The following SRRT variants were observed in gnomAD, a reference collection of about 807,000 sequenced individuals.
SRRT encodes serrate RNA effector molecule homolog.
A neutral mutation model predicts 103.2 loss-of-function variants in SRRT; 32 were observed. That is an observed-to-expected ratio of 0.31 (90% CI 0.23 to 0.42). The LOEUF is 0.42. Ranked by LOEUF, SRRT falls within the 10% of genes least tolerant of loss-of-function variation. The probability of loss-of-function intolerance (pLI) is 1.00; values close to 1 mark genes in which losing one functional copy is unlikely to be tolerated. For synonymous variants in SRRT, 525 were observed against 449.0 expected (o/e 1.17, Z -2.14); for missense variants, 986 against 1,207.5 (o/e 0.82, Z 2.72).
chr7:100,887,022 G>A lies in SRRT; in HGVS notation c.1822-25G>A, dbSNP rs758121855. On this transcript the variant is annotated intron_variant, in intron 14 of 19. Coordinates refer to ENST00000611405, the MANE Select transcript of SRRT (RefSeq NM_015908.6). This position sits in a 1 kb window ranked among gnomAD's most constrained non-coding sequence, Gnocchi z 4.1. ...GGCTCGGGCGGTGAGGGCAGGAGCT[G>A]AACGCTCGCATTCACTTCCCTTAGG... is the stretch of plus-strand genomic sequence containing the variant. 3.7e-6 allele frequency: 6 copies of A among 1,612,942 alleles called. No individual in the cohort carries two copies. The South Asian group carries it at 6.6e-5, about 18-fold the overall frequency.
intron 2 of SRRT, among the ~76,000 whole-genome samples, chr7:100,879,494 A>T (rs1266165575): frequency 6.6e-6 from 1 of 152,314 alleles, no homozygotes; most frequent in East Asian, 1.9e-4. Context: ...ATTGGTGACA[A>T]TGTAAAAACA....
chr7:100,878,819 A>G (rs1324425044), intron 2 of SRRT, among the ~76,000 whole-genome samples: 1 of 151,916 alleles, frequency 6.6e-6, no homozygotes, highest in Non-Finnish European at 1.5e-5. Context: ...CTCTCACCTC[A>G]GCCTCCTGAT....
intron 1 of SRRT, 117 bp downstream of exon 1, chr7:100,875,445 C>T: frequency 6.6e-7 from 1 of 1,526,308 alleles, no homozygotes; most frequent in Non-Finnish European, 8.8e-7. Context: ...CGTTCTCAGG[C>T]CTAGGATGGT....
At chr7:100,881,585 C>T (rs1485509242) in intron 3 of SRRT, 74 bp from the exon 4 acceptor site, 5 of 1,598,304 alleles carry the variant, frequency 3.1e-6, no homozygotes, top group Non-Finnish European at 2.6e-6. Flanking sequence ...TGTGTGTACC[C>T]CCGTCTGTCC....
chr7:100,875,911 A>G, intron 2 of SRRT, 199 bp downstream of exon 2: 1 of 565,468 alleles, frequency 1.8e-6, no homozygotes, highest in Non-Finnish European at 3.1e-6. Flanking sequence ...TCTGCAGATC[A>G]GAGCTATAGA....
Position 100,886,827 on chromosome 7 carries a change from T to G in SRRT, c.1680T>G (p.Asn560Lys). 6.2e-7 allele frequency: 1 copy of G among 1,614,158 alleles called. No homozygotes were observed. Among genetic ancestry groups the G allele is most frequent in the Non-Finnish European group, 8.5e-7 (1 of 1,180,032 alleles). ...CCTCGCAAAACCCGATCTTGAAGAA[T>G]ATCACCGACTACCTGATCGAGGAAG... ...SLPSQNPILK[N>K]ITDYLIEEVS... The change falls in exon 14 of 20, where the codon AAT (asparagine) becomes AAG (lysine). Residue 560 changes from asparagine (N) to lysine (K), a missense_variant. Coordinates refer to ENST00000611405, the MANE Select transcript of SRRT (RefSeq NM_015908.6).
In SRRT at chr7:100,884,458, C is replaced by T; in HGVS notation, c.848C>T (p.Pro283Leu). 2 of 1,613,744 alleles carry T rather than the reference C, an allele frequency of 1.2e-6. No individual in the cohort carries two copies. Among genetic ancestry groups the T allele is most frequent in the South Asian group, 1.1e-5 (1 of 91,066 alleles). ...GAGCAGGCAGGAAAGCCTGGGGAGC[C>T]CAGCAAGAAAGAAGAAGGACGGGCT... ...EEEQAGKPGEPSKKEEGRAGA... is the reference protein window; with the variant it reads ...EEEQAGKPGELSKKEEGRAGA... The change falls in exon 7 of 20, where the codon CCC (proline) becomes CTC (leucine). Residue 283 changes from proline (P) to leucine (L), a missense_variant. Coordinates refer to ENST00000611405, the MANE Select transcript of SRRT (RefSeq NM_015908.6).
At position 100,885,491 on chromosome 7, in the gene SRRT, C is replaced by T. The variant is rs1279636219; in HGVS notation, c.1317+121C>T. 7 of 1,221,918 alleles carry T rather than the reference C, an allele frequency of 5.7e-6. No homozygotes were observed. The highest frequency in any genetic ancestry group is 3.0e-5 in the African/African-American group (2 of 65,732). 75.7% of individuals were successfully genotyped at this position (1,221,918 alleles called of 1,614,324 possible). A position where few individuals can be genotyped will look rare whatever the true frequency, so the allele number is the denominator to read the frequency against. Reference sequence around the variant, plus strand: ...TCACCTGCTAGGGAGGCCCCTTCCCCAGGTTCCATGGCCTCCGAGGACTAG... The same window carrying T: ...TCACCTGCTAGGGAGGCCCCTTCCCTAGGTTCCATGGCCTCCGAGGACTAG... On this transcript the variant is annotated intron_variant, in intron 10 of 19. Transcript: ENST00000611405. This position sits in a 1 kb window ranked among gnomAD's most constrained non-coding sequence, Gnocchi z 4.8.
intron 18 of SRRT, 36 bp downstream of exon 18, chr7:100,888,179 T>C (rs1308422697): frequency 6.2e-7 from 1 of 1,600,010 alleles, no homozygotes; most frequent in South Asian, 1.1e-5. Context: ...GCTTGGTGAG[T>C]GTGTGGCTTT....
chr7:100,884,752 A>T lies in SRRT; in HGVS notation c.955A>T (p.Ser319Cys). ...TCTCTTACCATAGGCTGAGAATGAC[A>T]GTTCTAATGATGACAAAACAAAGAA... ...KEDGKQAENDSSNDDKTKKSE... is the reference protein window; with the variant it reads ...KEDGKQAENDCSNDDKTKKSE... The change falls in exon 8 of 20, where the codon AGT becomes TGT. Residue 319 changes from serine (S) to cysteine (C), a missense_variant. This residue lies in a region of SRRT where 166 missense variants were observed against 148.6 expected (regional missense o/e 1.12). Transcript: ENST00000611405. The T allele has an allele frequency of 6.2e-7, 1 of 1,613,986 alleles. No individual in the cohort carries two copies. Among genetic ancestry groups the T allele is most frequent in the Non-Finnish European group, 8.5e-7 (1 of 1,179,912 alleles).
In SRRT at chr7:100,881,804, A is replaced by G; in HGVS notation, c.397A>G (p.Arg133Gly). The change falls in exon 4 of 20, where the codon AGG becomes GGG. Residue 133 changes from arginine (R) to glycine (G), a missense_variant and splice_region_variant. This residue lies in a region of SRRT where 274 missense variants were observed against 358.5 expected (regional missense o/e 0.76). Transcript: ENST00000611405. ...MQHHVLPIQARLGSIAEIDLG... is the reference protein window; with the variant it reads ...MQHHVLPIQAGLGSIAEIDLG... ...GCACCATGTCCTGCCTATCCAGGCC[A>G]GGTAAGGGTGGGGCTTCTCAGAAGA... The G allele has an allele frequency of 6.2e-7, 1 of 1,603,700 alleles. No individual in the cohort carries two copies. Among genetic ancestry groups the G allele is most frequent in the Non-Finnish European group, 8.5e-7 (1 of 1,176,108 alleles).
intron 2 of SRRT, 153 bp downstream of exon 2, chr7:100,875,865 G>A: frequency 3.4e-6 from 3 of 891,602 alleles, no homozygotes; most frequent in Non-Finnish European, 5.1e-6. Context: ...TTTGCTGTTG[G>A]CCAAATAACT....
In SRRT at chr7:100,888,083, C is replaced by A; in HGVS notation, c.2368C>A (p.Gln790Lys). 1 of 1,603,946 alleles carries A rather than the reference C, an allele frequency of 6.2e-7. No homozygotes were observed. Among genetic ancestry groups the A allele is most frequent in the Non-Finnish European group, 8.5e-7 (1 of 1,175,114 alleles). ...GACCCCAGGACTCCCCTACCCACAC[C>A]AGACTCCCCAGGGCCTGATGCCCTA... ...GLTPGLPYPH[Q>K]TPQGLMPYGQ... Residue 790 changes from glutamine (Q) to lysine (K), a missense_variant, in exon 18 of 20, where the codon CAG (glutamine) becomes AAG (lysine). Gln to Lys is a moderately conservative substitution (Grantham distance 53). Transcript: ENST00000611405.
Position 100,887,201 on chromosome 7 carries a change from G to C in SRRT, c.1975+1G>C. On this transcript the variant is annotated splice_donor_variant, in intron 15 of 19. Coordinates refer to ENST00000611405, the MANE Select transcript of SRRT (RefSeq NM_015908.6). LOFTEE classifies it high-confidence loss of function. The surrounding 1 kb of genome is among the most constrained non-coding windows in gnomAD (Gnocchi z 4.1). ...CCCAACCGCATCAGTCACGGGGAAGGTGAGCTCCAGGTTCCCCTTTGTTCC... is the reference window on the plus strand; with the variant it reads ...CCCAACCGCATCAGTCACGGGGAAGCTGAGCTCCAGGTTCCCCTTTGTTCC... 1 of 1,614,134 alleles carries C rather than the reference G, an allele frequency of 6.2e-7. No homozygotes were observed. The highest frequency in any genetic ancestry group is 8.5e-7 in the Non-Finnish European group (1 of 1,180,018).
chr7:100,881,822 T>G lies in SRRT; in HGVS notation c.398+17T>G. 1 of 1,586,568 alleles carries G rather than the reference T, an allele frequency of 6.3e-7. No homozygotes were observed. Among genetic ancestry groups the G allele is most frequent in the African/African-American group, 1.3e-5 (1 of 74,264 alleles). The stretch of plus-strand genomic sequence containing the variant: ...CCAGGCCAGGTAAGGGTGGGGCTTC[T>G]CAGAAGAGGGTTGGTAGGCCTGGGG... On this transcript the variant is annotated intron_variant, in intron 4 of 19. Transcript: ENST00000611405.
In SRRT at chr7:100,885,242, A is replaced by C. The variant is rs763605047; in HGVS notation, c.1189A>C (p.Lys397Gln). ...AGCGCTCAAGGAGAAGGAGAAGCCC[A>C]AGGAAGAAGAATGGGAGAAGCCCAA... is the stretch of plus-strand genomic sequence containing the variant. ...EEALKEKEKP[K>Q]EEEWEKPKDA... Residue 397 changes from lysine to glutamine, a missense_variant, in exon 10 of 20, where the codon AAG becomes CAG. By Grantham distance (53) the Lys-to-Gln change is moderately conservative. Coordinates refer to ENST00000611405, the MANE Select transcript of SRRT (RefSeq NM_015908.6). This position sits in a 1 kb window ranked among gnomAD's most constrained non-coding sequence, Gnocchi z 4.8. The C allele has an allele frequency of 6.2e-7, 1 of 1,614,094 alleles. No homozygotes were observed. The highest frequency in any genetic ancestry group is 1.1e-5 in the South Asian group (1 of 91,082).
chr7:100,885,145 C>A lies in SRRT; in HGVS notation c.1160-68C>A. ...GTGGGTGGCTTTTAGGGGAAAGCTT[C>A]TGTATCCTCCCCACCACAATCAGTA... is the stretch of plus-strand genomic sequence containing the variant. On this transcript the variant is annotated intron_variant, in intron 9 of 19. Transcript: ENST00000611405. The surrounding 1 kb of genome is among the most constrained non-coding windows in gnomAD (Gnocchi z 4.8). 6.2e-7 allele frequency: 1 copy of A among 1,602,688 alleles called. No homozygotes were observed. The highest frequency in any genetic ancestry group is 1.1e-5 in the South Asian group (1 of 90,286).
At chr7:100,881,624 C>T (rs762489516) in intron 3 of SRRT, 35 bp from the exon 4 acceptor site, 32 of 1,613,060 alleles carry the variant, frequency 2.0e-5, no homozygotes, top group Non-Finnish European at 2.6e-5. Flanking sequence ...AGGTGACTCC[C>T]TTCTCTGCTT....
chr7:100,888,434 G>A (rs377683875), intron 19 of SRRT, 40 bp from the exon 20 acceptor site: 1 of 1,612,998 alleles, frequency 6.2e-7, no homozygotes, highest in Non-Finnish European at 8.5e-7. Flanking sequence ...ACTCCCTTTT[G>A]GGAGCCCTCA....
Sources: allele counts gnomAD v4.1 joint callset (sites outside exome capture counted in the v4.1 genomes callset), GRCh38; gene constraint gnomAD v4.1.1; regional missense constraint gnomAD v4.1.1; non-coding constraint Gnocchi (gnomAD v3.1); transcripts MANE v1.5; gene names NCBI Gene and HGNC (gene_info 2026-07-23, HGNC 2026-07-21).